The following ASIP variants were observed in gnomAD, a reference collection of about 807,000 sequenced individuals.
The protein encoded by ASIP is agouti-signaling protein.
In ASIP, 11 loss-of-function variants were observed where a neutral mutation model predicts 10.3. The observed-to-expected ratio is 1.07, with a 90% CI of 0.68 to 1.78. ASIP has a LOEUF of 1.78. Among genes scored for constraint, ASIP ranks in the 40% most tolerant of loss-of-function variants. The probability of loss-of-function intolerance (pLI) is 0.00; values close to 1 mark genes in which losing one functional copy is unlikely to be tolerated. For missense variants in ASIP, 180 were observed against 169.2 expected (o/e 1.06, Z -0.35); for synonymous variants, 70 against 70.8 (o/e 0.99, Z 0.06).
At chr20:34,249,108 G>T (rs920100153) in intron 1 of ASIP, among the ~76,000 whole-genome samples, 1 of 151,962 alleles carries the variant, frequency 6.6e-6, no homozygotes, top group Non-Finnish European at 1.5e-5. Context: ...CAGCCTGGGT[G>T]ACAGAGTGAG....
intron 1 of ASIP, chr20:34,234,940 T>C (rs1339009884): frequency 6.6e-6 from 1 of 152,246 alleles, no homozygotes; most frequent in African/African-American, 2.4e-5. Context: ...CGCATTTGAT[T>C]TAATCTTGTG....
intron 2 of ASIP, among the ~76,000 whole-genome samples, chr20:34,262,176 G>A (rs145965123): frequency 1.4e-3 from 216 of 152,192 alleles, no homozygotes; most frequent in African/African-American, 4.9e-3. Context: ...GACAGGGAAG[G>A]GAGGAACATC....
At chr20:34,231,875 T>A (rs1280098205) in intron 1 of ASIP, among the ~76,000 whole-genome samples, 1 of 152,246 alleles carries the variant, frequency 6.6e-6, no homozygotes, top group Admixed American at 6.5e-5. Flanking sequence ...CATTGAGTAA[T>A]GGAACTCTCA....
At chr20:34,213,914 G>A (rs2034990713) in intron 1 of ASIP, 14 of 1,584,126 alleles carry the variant, frequency 8.8e-6, no homozygotes, top group Non-Finnish European at 1.0e-5. Context: ...GCATGGTTGA[G>A]ACAGTCTGCT....
chr20:34,234,405 T>G (rs2035150519), intron 1 of ASIP, among the ~76,000 whole-genome samples: 1 of 152,242 alleles, frequency 6.6e-6, no homozygotes, highest in Non-Finnish European at 1.5e-5. Flanking sequence ...TGACCCTTAA[T>G]GCAGTAGGTC....
At chr20:34,234,909 T>C (rs2035158845) in intron 1 of ASIP, 1 of 149,684 alleles carries the variant, frequency 6.7e-6, no homozygotes, top group Non-Finnish European at 1.5e-5. Flanking sequence ...CCGCATCTCT[T>C]GTTTGCACAT....
At chr20:34,219,444 G>C (rs2035030919) in intron 1 of ASIP, among the ~76,000 whole-genome samples, 2 of 152,294 alleles carry the variant, frequency 1.3e-5, no homozygotes, top group South Asian at 2.1e-4. Context: ...TATTTGCAAA[G>C]CCAAGATTCA....
intron 1 of ASIP, among the ~76,000 whole-genome samples, chr20:34,249,359 C>CAG (rs2035436575): frequency 6.6e-6 from 1 of 151,782 alleles, no homozygotes; most frequent in Non-Finnish European, 1.5e-5. Context: ...TGCCCAGAGC[C>CAG]CTGGTTAGAC....
intron 1 of ASIP, among the ~76,000 whole-genome samples, chr20:34,219,947 G>T (rs1432726679): frequency 1.3e-5 from 2 of 152,206 alleles, no homozygotes; most frequent in Non-Finnish European, 2.9e-5. Context: ...AAAATTAGCT[G>T]GGCGTGGTGG....
intron 1 of ASIP, among the ~76,000 whole-genome samples, chr20:34,222,803 T>TGGTTTTGGTGGAGACGG (rs1413854741): frequency 1.3e-5 from 2 of 151,994 alleles, no homozygotes; most frequent in African/African-American, 4.8e-5. Flanking sequence ...CACGCCTGAC[T>TGGTTTTGGTGGAGACGG]GGTTTTGGTG....
intron 1 of ASIP, chr20:34,214,185 T>C: frequency 7.9e-7 from 1 of 1,262,128 alleles, no homozygotes; most frequent in Non-Finnish European, 1.2e-6. Flanking sequence ...AATGAAAGGA[T>C]TCATTTGCTT....
At chr20:34,200,974 TTCC>T (rs2034889834) in intron 1 of ASIP, among the ~76,000 whole-genome samples, 26 of 65,390 alleles carry the variant, frequency 4.0e-4, no homozygotes, top group African/African-American at 1.5e-3. Context: ...CTTTCTTTCC[TTCC>T]TTCCTTCCTT....
intron 1 of ASIP, among the ~76,000 whole-genome samples, chr20:34,197,878 C>T (rs113959655): frequency 2.0e-5 from 3 of 152,122 alleles, no homozygotes; most frequent in South Asian, 2.1e-4. Flanking sequence ...ACATATTGAC[C>T]GCCTCAGGGG....
At chr20:34,256,981 TCCA>T (rs1274394741) in intron 1 of ASIP, among the ~76,000 whole-genome samples, 2 of 152,036 alleles carry the variant, frequency 1.3e-5, no homozygotes, top group East Asian at 3.9e-4. Flanking sequence ...CCCACCACAT[TCCA>T]CCACATCTCC....
chr20:34,220,992 A>T (rs2035043562), intron 1 of ASIP, among the ~76,000 whole-genome samples: 2 of 111,964 alleles, frequency 1.8e-5, no homozygotes, highest in African/African-American at 3.6e-5. Context: ...GTGAAGGAGG[A>T]TGTCATAAGA....
intron 1 of ASIP, among the ~76,000 whole-genome samples, chr20:34,243,614 T>C (rs2035317812): frequency 1.3e-5 from 2 of 152,096 alleles, no homozygotes; most frequent in South Asian, 4.2e-4. Flanking sequence ...ACCAACAGAA[T>C]ACATATGTAA....
intron 1 of ASIP, among the ~76,000 whole-genome samples, chr20:34,253,275 T>G (rs1002559530): frequency 2.6e-4 from 39 of 150,984 alleles, no homozygotes; most frequent in Non-Finnish European, 5.2e-4. Context: ...CCGCCTAATT[T>G]TTTTGTATTT....
At chr20:34,210,839 A>G (rs2034969894) in intron 1 of ASIP, among the ~76,000 whole-genome samples, 1 of 152,218 alleles carries the variant, frequency 6.6e-6, no homozygotes, top group Non-Finnish European at 1.5e-5. Context: ...TCATTTTATG[A>G]TGAACCACAG....
chr20:34,226,866 A>C (rs1453185189), intron 1 of ASIP, among the ~76,000 whole-genome samples: 2 of 152,174 alleles, frequency 1.3e-5, no homozygotes, highest in Non-Finnish European at 2.9e-5. Flanking sequence ...CTTGGATTGC[A>C]GGTGTGAGCC....
Sources: allele counts gnomAD v4.1 joint callset (sites outside exome capture counted in the v4.1 genomes callset), GRCh38; gene constraint gnomAD v4.1.1; transcripts MANE v1.5; gene names NCBI Gene and HGNC (gene_info 2026-07-23, HGNC 2026-07-21).